The following DRG2 variants were observed in gnomAD, a reference collection of about 807,000 sequenced individuals.
DRG2 encodes the protein developmentally regulated GTP binding protein 2.
Under a neutral mutation model 53.4 loss-of-function variants are expected in DRG2, and 36 were observed. The ratio of observed to expected loss-of-function variants is 0.67; its 90% CI spans 0.52 to 0.89. The LOEUF is 0.89. Among genes scored for constraint, DRG2 ranks in the 40% least tolerant of loss-of-function variants. DRG2 has a pLI of 0.00. For synonymous variants in DRG2, 167 were observed against 192.1 expected (o/e 0.87, Z 1.08); for missense variants, 342 against 481.2 (o/e 0.71, Z 2.71).
chr17:18,090,725 C>T (rs1387267618), intron 1 of DRG2, among the ~76,000 whole-genome samples: 5 of 149,074 alleles, frequency 3.4e-5, no homozygotes, highest in African/African-American at 5.0e-5. Context: ...TGTAGAGGCA[C>T]GGTCTCACTA....
Position 18,107,171 on chromosome 17 carries a change from C to T in DRG2, c.1026C>T (p.Tyr342=), listed in dbSNP as rs763526283. 6.2e-7 allele frequency: 1 copy of T among 1,613,502 alleles called. No homozygotes were observed. The highest frequency in any genetic ancestry group is 8.5e-7 in the Non-Finnish European group (1 of 1,180,002). The change falls in exon 13 of 13, where the codon TAC becomes TAT. Residue 342 remains tyrosine (Y), a synonymous_variant. Coordinates refer to ENST00000225729, the MANE Select transcript of DRG2 (RefSeq NM_001388.5). ...TCACCCAGGGCACCAGCACCAAGTACAGTCCGCAGCGGGTGGGCCTGACCC... is the reference window on the plus strand; with the variant it reads ...TCACCCAGGGCACCAGCACCAAGTATAGTCCGCAGCGGGTGGGCCTGACCC... ...YALVWGTSTK[Y]SPQRVGLTHT... is the part of the protein sequence containing the mutation.
intron 8 of DRG2, 96 bp downstream of exon 8, chr17:18,101,686 T>C (rs1174259703): frequency 7.8e-7 from 1 of 1,276,858 alleles, no homozygotes; most frequent in African/African-American, 1.5e-5. Context: ...GCAGAAAGAG[T>C]CTGAGGCTCT....
At chr17:18,106,793 G>A (rs570020219) in intron 12 of DRG2, among the ~76,000 whole-genome samples, 54 of 147,854 alleles carry the variant, frequency 3.7e-4, no homozygotes, top group African/African-American at 1.3e-3. Context: ...GTGCAAAAGC[G>A]ATCCTCCCAC....
chr17:18,093,946 G>A lies in DRG2; in HGVS notation c.198G>A (p.Ala66=), dbSNP rs200628326. The change falls in exon 2 of 13, where the codon GCG becomes GCA. Residue 66 remains alanine, a synonymous_variant. Transcript: ENST00000225729. The part of the protein sequence containing the change: ...DVMKSGDARV[A]LIGFPSVGKS... The stretch of plus-strand genomic sequence containing the variant: ...TGAAGTCGGGTGATGCCCGTGTGGC[G>A]CTGATTGGATTTCCCTCTGTGGGTA... 87 of 1,614,020 alleles carry A rather than the reference G, an allele frequency of 5.4e-5. No homozygotes were observed. Among genetic ancestry groups the A allele is most frequent in the Middle Eastern group, 1.6e-4 (1 of 6,084 alleles).
At chr17:18,101,109 G>A (rs2045525993) in intron 7 of DRG2, among the ~76,000 whole-genome samples, 1 of 152,148 alleles carries the variant, frequency 6.6e-6, no homozygotes. Flanking sequence ...GCCCCTCGTT[G>A]CCAGAGGTGT....
At chr17:18,105,726 C>T (rs2045616926) in intron 11 of DRG2, 1 of 152,400 alleles carries the variant, frequency 6.6e-6, no homozygotes, top group African/African-American at 2.4e-5. Flanking sequence ...GCCTCCGCCC[C>T]AGGGACGCTG....
intron 1 of DRG2, 71 bp from the exon 2 acceptor site, chr17:18,093,742 G>T (rs1357771680): frequency 9.7e-6 from 15 of 1,541,612 alleles, no homozygotes; most frequent in Non-Finnish European, 1.3e-5. Context: ...TTGGCGACAT[G>T]TGGGCCCTGC....
intron 2 of DRG2, chr17:18,097,334 G>T (rs1195620501): frequency 1.3e-5 from 2 of 152,234 alleles, no homozygotes; most frequent in African/African-American, 4.8e-5. Flanking sequence ...GAGGTCTAAG[G>T]GTGCCTTGGG....
At position 18,103,902 on chromosome 17, in the gene DRG2, GC is replaced by G; in HGVS notation, c.895+14del. 1 of 1,613,236 alleles carries G rather than the reference GC, an allele frequency of 6.2e-7. No individual in the cohort carries two copies. The highest frequency in any genetic ancestry group is 1.3e-5 in the African/African-American group (1 of 75,046). On this transcript the variant is annotated intron_variant, in intron 10 of 12. Coordinates refer to ENST00000225729, the MANE Select transcript of DRG2 (RefSeq NM_001388.5). This position sits in a 1 kb window ranked among gnomAD's most constrained non-coding sequence, Gnocchi z 4.4. Reference sequence around the variant, plus strand: ...AAGAAGAGAGGACGTGAGTTGCACTGCGCGTAGCTGAAAAACAGGCTGAGCT... The same window carrying G: ...AAGAAGAGAGGACGTGAGTTGCACTGGCGTAGCTGAAAAACAGGCTGAGCT...
At chr17:18,096,497 G>A (rs914015604) in intron 2 of DRG2, 3 of 152,292 alleles carry the variant, frequency 2.0e-5, no homozygotes, top group Admixed American at 2.0e-4. Flanking sequence ...CTTCTTTGAT[G>A]TACTTCCACC....
At chr17:18,096,707 C>T (rs961803831) in intron 2 of DRG2, 7 of 152,146 alleles carry the variant, frequency 4.6e-5, no homozygotes, top group African/African-American at 1.7e-4. Flanking sequence ...GTGTAGATAG[C>T]AGGTTATAGC....
At position 18,093,851 on chromosome 17, in the gene DRG2, G is replaced by A. The variant is rs1187171168; in HGVS notation, c.103G>A (p.Ala35Thr). The A allele has an allele frequency of 9.9e-6, 16 of 1,613,994 alleles. No homozygotes were observed. Among genetic ancestry groups the A allele is most frequent in the East Asian group, 4.5e-5 (2 of 44,876 alleles). ...YHLGLLKAKL[A>T]KYRAQLLEPS... ...TCTGGGCCTGCTGAAAGCTAAGCTC[G>A]CCAAGTATCGGGCCCAGCTCCTGGA... is the stretch of plus-strand genomic sequence containing the variant. Residue 35 changes from alanine (A) to threonine (T), a missense_variant, in exon 2 of 13, where the codon GCC (alanine) becomes ACC (threonine). By Grantham distance (58) the Ala-to-Thr change is moderately conservative. Transcript: ENST00000225729.
rs561974692 is a variant in DRG2, at chr17:18,103,207, A to G, written c.807-594A>G. Reference sequence around the variant, plus strand: ...CTGCTTGTGCTCAGAATAGCTCTACAGAGGTCAGGACACAGCTCGGGGTCA... The same window carrying G: ...CTGCTTGTGCTCAGAATAGCTCTACGGAGGTCAGGACACAGCTCGGGGTCA... On this transcript the variant is annotated intron_variant, in intron 9 of 12. Transcript: ENST00000225729. The surrounding 1 kb of genome is among the most constrained non-coding windows in gnomAD (Gnocchi z 4.4). 9.2e-5 allele frequency among the ~76,000 whole-genome samples: 14 copies of G among 152,282 alleles called. No homozygotes were observed. In the South Asian group the frequency reaches 1.9e-3, roughly 20 times the overall value.
chr17:18,094,194 A>G (rs2045387536), intron 2 of DRG2: 12 of 550,034 alleles, frequency 2.2e-5, no homozygotes, highest in South Asian at 1.6e-4. Flanking sequence ...CGACTCAGTC[A>G]TCACACACAA....
chr17:18,107,311 C>G lies in DRG2; in HGVS notation c.*71C>G. The G allele has an allele frequency of 6.9e-7, 1 of 1,454,020 alleles. No individual in the cohort carries two copies. The allele number at this position is 1,454,020 out of a possible 1,614,324, so 90.1% of individuals were successfully genotyped here. ...AGGTGGTCCCACTGGGACACACAAA[C>G]ACCCAAACAGAAAAATACAAATACA... On this transcript the variant is annotated 3_prime_UTR_variant, in exon 13 of 13. Transcript: ENST00000225729.
chr17:18,102,636 AAAAAAG>A (rs1172827789), intron 9 of DRG2, among the ~76,000 whole-genome samples: 1 of 151,684 alleles, frequency 6.6e-6, no homozygotes, highest in African/African-American at 2.4e-5. Context: ...AAAAAAAAAA[AAAAAAG>A]AGGCTTCTTA....
intron 11 of DRG2, 69 bp downstream of exon 11, chr17:18,104,750 T>C: frequency 1.2e-6 from 2 of 1,609,644 alleles, no homozygotes; most frequent in African/African-American, 2.7e-5. Context: ...CTGTTCTGCC[T>C]GAGGTGCCCT....
chr17:18,103,693 C>T lies in DRG2; in HGVS notation c.807-108C>T, dbSNP rs2045577749. ...GGGCTTGTTTCCCTGTGGGTACCAG[C>T]GGGCCACCTGGCCAGTGGAGGTTAT... is the stretch of plus-strand genomic sequence containing the variant. On this transcript the variant is annotated intron_variant, in intron 9 of 12. Transcript: ENST00000225729. This position sits in a 1 kb window ranked among gnomAD's most constrained non-coding sequence, Gnocchi z 4.4. 1.2e-5 allele frequency: 12 copies of T among 1,000,006 alleles called. No individual in the cohort carries two copies. The highest frequency in any genetic ancestry group is 1.6e-5 in the Non-Finnish European group (10 of 640,382). The allele number at this position is 1,000,006 out of a possible 1,614,324, so 61.9% of individuals were successfully genotyped here. A position where few individuals can be genotyped will look rare whatever the true frequency, so the allele number is the denominator to read the frequency against.
rs1423837584 is a variant in DRG2, at chr17:18,103,309, C to A, written c.807-492C>A. On this transcript the variant is annotated intron_variant, in intron 9 of 12. Transcript: ENST00000225729. This position sits in a 1 kb window ranked among gnomAD's most constrained non-coding sequence, Gnocchi z 4.4. ...CCCGGGCCTTATCTTTTTAATCCCTCTGCAGTCCTGCGAGGTAGGGACTGG... is the reference window on the plus strand; with the variant it reads ...CCCGGGCCTTATCTTTTTAATCCCTATGCAGTCCTGCGAGGTAGGGACTGG... 6.6e-6 allele frequency among the ~76,000 whole-genome samples: 1 copy of A among 152,144 alleles called. No homozygotes were observed. The highest frequency in any genetic ancestry group is 1.5e-5 in the Non-Finnish European group (1 of 68,020).
Sources: gnomAD v4.1 joint callset for allele counts (sites outside exome capture counted in the v4.1 genomes callset) on GRCh38, gnomAD v4.1.1 for gene constraint, Gnocchi (gnomAD v3.1) non-coding constraint, MANE v1.5 for transcripts, NCBI Gene and HGNC (gene_info 2026-07-23, HGNC 2026-07-21) for gene names.